Variants in BMPR2 observed in about 807,000 individuals in gnomAD.
The protein encoded by BMPR2 is bone morphogenetic protein receptor type 2.
BMPR2 carries 29 observed loss-of-function variants against 100.8 expected under a neutral mutation model. The observed-to-expected ratio is 0.29, with a 90% confidence interval of 0.21 to 0.39. The LOEUF (loss-of-function observed/expected upper bound fraction) is 0.39. BMPR2 is among the 10% of genes least tolerant of loss of function. The pLI is 1.00. For synonymous variants in BMPR2, 382 were observed against 442.3 expected, an observed-to-expected ratio of 0.86 and a Z score of 1.71; for missense variants, 1,011 against 1,274.5, an observed-to-expected ratio of 0.79 and a Z score of 3.15.
At chr2:202,531,481 A>G (rs1201181480) in intron 8 of BMPR2, among the ~76,000 whole-genome samples, 1 of 152,228 alleles carries the variant, frequency 6.6e-6, no homozygotes. Flanking sequence ...TTTTTGAGGC[A>G]AGGGTAAAGT....
At chr2:202,380,492 A>G (rs62194080) in intron 1 of BMPR2, among the ~76,000 whole-genome samples, 11,199 of 152,194 alleles carry the variant, frequency 0.074, 529 homozygotes, top group Middle Eastern at 0.1. Context: ...GTTCTTGATA[A>G]AAATGCATAT....
intron 4 of BMPR2, among the ~76,000 whole-genome samples, chr2:202,514,263 AGTAGCTGG>A (rs1268519774): frequency 6.6e-6 from 1 of 152,118 alleles, no homozygotes; most frequent in Non-Finnish European, 1.5e-5. Flanking sequence ...CAGCCTCCTG[AGTAGCTGG>A]GACTACAGGT....
rs1243678184 is a variant in BMPR2, at chr2:202,532,058, G to C, written c.1129-527G>C. Among the ~76,000 whole-genome samples the C allele has an allele frequency of 6.8e-6, 1 of 146,574 alleles. No homozygotes were observed. The highest frequency in any genetic ancestry group is 1.5e-5 in the Non-Finnish European group (1 of 67,306). On this transcript the variant is annotated intron_variant, in intron 8 of 12. Transcript: ENST00000374580. The surrounding 1 kb of genome is among the most constrained non-coding windows in gnomAD (Gnocchi z 4.1). ...GGGTTCACGCTATTTTCCTGCCTCG[G>C]CCTCCTGAGTAGCTGGGACTACAGG... is the stretch of plus-strand genomic sequence containing the variant.
intron 1 of BMPR2, among the ~76,000 whole-genome samples, chr2:202,389,250 G>A (rs948727298): frequency 1.3e-5 from 2 of 151,796 alleles, no homozygotes; most frequent in Non-Finnish European, 2.9e-5. Flanking sequence ...AAAAAAGGCT[G>A]GGTGTGGTGG....
chr2:202,546,095 A>C (rs903444762), intron 10 of BMPR2, among the ~76,000 whole-genome samples: 1 of 152,222 alleles, frequency 6.6e-6, no homozygotes, highest in African/African-American at 2.4e-5. Flanking sequence ...TACTTCCAGT[A>C]TAGAGTAGGT....
At chr2:202,499,833 G>A (rs1392382081) in intron 3 of BMPR2, among the ~76,000 whole-genome samples, 4 of 152,204 alleles carry the variant, frequency 2.6e-5, no homozygotes, top group East Asian at 1.9e-4. Context: ...GAGAAAGGCC[G>A]CAGCCTTAGT....
intron 3 of BMPR2, among the ~76,000 whole-genome samples, chr2:202,494,982 G>A (rs932715183): frequency 1.3e-5 from 2 of 152,184 alleles, no homozygotes; most frequent in Non-Finnish European, 2.9e-5. Flanking sequence ...TAAGTGCCCC[G>A]CTGCTCAGAC....
chr2:202,542,501 T>C, intron 10 of BMPR2, 54 bp downstream of exon 10: 4 of 1,594,630 alleles, frequency 2.5e-6, no homozygotes, highest in Non-Finnish European at 2.6e-6. Flanking sequence ...TATGTTTTAA[T>C]GTTGTTTGAA....
chr2:202,505,707 A>C (rs1317828512), intron 3 of BMPR2, among the ~76,000 whole-genome samples: 1 of 152,122 alleles, frequency 6.6e-6, no homozygotes, highest in African/African-American at 2.4e-5. Context: ...ATGGATAAAG[A>C]AGTAAGAGCC....
At chr2:202,381,311 G>A (rs550917128) in intron 1 of BMPR2, among the ~76,000 whole-genome samples, 2 of 152,264 alleles carry the variant, frequency 1.3e-5, no homozygotes, top group East Asian at 1.9e-4. Flanking sequence ...ACATTTTGCT[G>A]TGTAATTATT....
intron 3 of BMPR2, among the ~76,000 whole-genome samples, chr2:202,488,262 A>AT (rs1377073042): frequency 6.6e-6 from 1 of 152,188 alleles, no homozygotes; most frequent in African/African-American, 2.4e-5. Context: ...TATTGTAATT[A>AT]TGCCAATAAT....
intron 8 of BMPR2, among the ~76,000 whole-genome samples, chr2:202,531,928 G>GTTTTT (rs1439934960): frequency 2.1e-4 from 11 of 51,274 alleles, no homozygotes; most frequent in East Asian, 1.1e-3. Flanking sequence ...ACGCCCAGCT[G>GTTTTT]TATTTTTTTT....
At chr2:202,530,050 C>G (rs1687992175) in intron 7 of BMPR2, among the ~76,000 whole-genome samples, 1 of 152,096 alleles carries the variant, frequency 6.6e-6, no homozygotes, top group Non-Finnish European at 1.5e-5. Context: ...TTCTTTCAGT[C>G]AGCAATCATT....
chr2:202,442,793 A>G (rs1199927804), intron 1 of BMPR2, among the ~76,000 whole-genome samples: 1 of 150,756 alleles, frequency 6.6e-6, no homozygotes, highest in Non-Finnish European at 1.5e-5. Context: ...TAAAAGACTG[A>G]ATAATATTCT....
chr2:202,378,553 G>A (rs1490762209), intron 1 of BMPR2, among the ~76,000 whole-genome samples: 1 of 152,000 alleles, frequency 6.6e-6, no homozygotes, highest in Non-Finnish European at 1.5e-5. Context: ...GAGGTTACTT[G>A]CTTATTTTCA....
At chr2:202,504,945 C>T (rs1687490605) in intron 3 of BMPR2, 1 of 153,750 alleles carries the variant, frequency 6.5e-6, no homozygotes, top group South Asian at 2.0e-4. Flanking sequence ...TCCCAAAGTG[C>T]TGGGATTACA....
At position 202,384,439 on chromosome 2, in the gene BMPR2, TG is replaced by T. The variant is rs535872110; in HGVS notation, c.76+6892del. Among the ~76,000 whole-genome samples the T allele has an allele frequency of 7.2e-5, 11 of 152,316 alleles. No individual in the cohort carries two copies. The South Asian group carries it at 2.3e-3, about 32-fold the overall frequency. On this transcript the variant is annotated intron_variant, in intron 1 of 12. Coordinates refer to ENST00000374580, the MANE Select transcript of BMPR2 (RefSeq NM_001204.7). ...AGAATTTTAGATGGAGTTAGGTATTTGGGACAGTTAGGTATTTGATCCACAT... is the reference window on the plus strand; with the variant it reads ...AGAATTTTAGATGGAGTTAGGTATTTGGACAGTTAGGTATTTGATCCACAT...
At chr2:202,538,427 A>G (rs1688205298) in intron 9 of BMPR2, among the ~76,000 whole-genome samples, 1 of 151,958 alleles carries the variant, frequency 6.6e-6, no homozygotes, top group East Asian at 1.9e-4. Flanking sequence ...ATTGCCCTCC[A>G]TCCTGGGCAA....
chr2:202,418,315 T>A (rs1691180110), intron 1 of BMPR2, among the ~76,000 whole-genome samples: 1 of 152,210 alleles, frequency 6.6e-6, no homozygotes, highest in Non-Finnish European at 1.5e-5. Context: ...GTCTGCAGAT[T>A]AAAAATCTCT....
Sources: gnomAD v4.1 joint callset for allele counts (sites outside exome capture counted in the v4.1 genomes callset) on GRCh38, gnomAD v4.1.1 for gene constraint, Gnocchi (gnomAD v3.1) non-coding constraint, MANE v1.5 for transcripts, NCBI Gene and HGNC (gene_info 2026-07-23, HGNC 2026-07-21) for gene names.